Variants in DEAF1 observed in about 807,000 individuals in gnomAD.
The protein encoded by DEAF1 is deformed epidermal autoregulatory factor 1 homolog.
In DEAF1, 53 loss-of-function variants were observed where a neutral mutation model predicts 58.9. The observed-to-expected ratio is 0.90, with a 90% CI of 0.72 to 1.13. DEAF1 has a LOEUF of 1.13. Ranked by LOEUF, DEAF1 falls within the 50% of genes most tolerant of loss-of-function variation. The probability of loss-of-function intolerance (pLI) is 0.00; values close to 1 mark genes in which losing one functional copy is unlikely to be tolerated. For missense variants in DEAF1, 685 were observed against 791.4 expected, an observed-to-expected ratio of 0.87 and a Z score of 1.61; for synonymous variants, 385 against 340.4, an observed-to-expected ratio of 1.13 and a Z score of -1.44.
At chr11:648,665 G>A (rs1227521870) in intron 11 of DEAF1, among the ~76,000 whole-genome samples, 1 of 152,168 alleles carries the variant, frequency 6.6e-6, no homozygotes, top group Non-Finnish European at 1.5e-5. Flanking sequence ...TGCCAGGAAT[G>A]TATACACTCA....
chr11:689,351 G>A (rs575986939), intron 2 of DEAF1, among the ~76,000 whole-genome samples: 13 of 150,792 alleles, frequency 8.6e-5, no homozygotes, highest in Admixed American at 2.0e-4. Context: ...GACTACACAC[G>A]CCCACCACCA....
At chr11:667,027 C>T (rs1038081373) in intron 10 of DEAF1, among the ~76,000 whole-genome samples, 3 of 151,834 alleles carry the variant, frequency 2.0e-5, no homozygotes, top group African/African-American at 7.3e-5. Flanking sequence ...AGTGAAACCC[C>T]ATCTATACAA....
At chr11:703,365 G>A in intron 1 of DEAF1, 1 of 1,395,128 alleles carries the variant, frequency 7.2e-7, no homozygotes, top group Non-Finnish European at 9.3e-7. Flanking sequence ...CAGCTGCGGG[G>A]AGGGTAGGGA....
intron 2 of DEAF1, among the ~76,000 whole-genome samples, chr11:690,342 AGGGGAGGG>A (rs1860782540): frequency 4.4e-4 from 1 of 2,294 alleles, no homozygotes; most frequent in Non-Finnish European, 8.3e-4. Context: ...AGGGGAGGGC[AGGGGAGGG>A]GAGGGCAGGG....
intron 1 of DEAF1, chr11:700,547 G>T: frequency 6.6e-6 from 8 of 1,213,254 alleles, no homozygotes; most frequent in Non-Finnish European, 9.6e-6. Context: ...AAAAGGAAAA[G>T]GCAAGCTGAG....
chr11:684,772 A>G, intron 6 of DEAF1, 126 bp downstream of exon 6: 1 of 810,226 alleles, frequency 1.2e-6, no homozygotes, highest in Non-Finnish European at 2.1e-6. Context: ...AGGAGAAGTG[A>G]GGACAGTGTC....
intron 10 of DEAF1, among the ~76,000 whole-genome samples, chr11:659,833 G>A (rs570729212): frequency 6.6e-6 from 1 of 152,326 alleles, no homozygotes; most frequent in East Asian, 1.9e-4. Context: ...GAGTGAGCAG[G>A]AAGCCAGCGG....
intron 10 of DEAF1, among the ~76,000 whole-genome samples, chr11:671,947 T>G (rs1316173112): frequency 6.6e-5 from 10 of 152,104 alleles, no homozygotes; most frequent in Non-Finnish European, 1.5e-4. Flanking sequence ...AGACATGCCT[T>G]TCCTCCCGCT....
chr11:697,148 G>A (rs922348157), upstream of DEAF1, among the ~76,000 whole-genome samples: 1 of 151,786 alleles, frequency 6.6e-6, no homozygotes, highest in African/African-American at 2.4e-5. Flanking sequence ...CAGCTACGTG[G>A]GAGGCTGAGG....
chr11:700,753 T>G (rs1287550483), intron 1 of DEAF1: 1 of 1,517,766 alleles, frequency 6.6e-7, no homozygotes, highest in Non-Finnish European at 9.2e-7. Flanking sequence ...TAAGAGTTGC[T>G]ATCTGTTTCC....
chr11:694,530 G>C lies in DEAF1; in HGVS notation c.289+229C>G, dbSNP rs553761325. On this transcript the variant is annotated intron_variant, in intron 1 of 11. Transcript: ENST00000382409. ...GGGCAGGTGTGAGAGGCAGATGTGA[G>C]GGGTGAGCTAGTCACGTGGGGCAGG... 156 of 361,212 alleles carry C rather than the reference G, an allele frequency of 4.3e-4. 2 individuals carry two copies. In the East Asian group the frequency reaches 6.3e-3, roughly 14 times the overall value. The allele number at this position is 361,212 out of a possible 1,614,324, so 22.4% of individuals were successfully genotyped here. A position where few individuals can be genotyped will look rare whatever the true frequency, so the allele number is the denominator to read the frequency against.
upstream of DEAF1, chr11:699,012 G>T: frequency 8.4e-7 from 1 of 1,184,444 alleles, no homozygotes. Flanking sequence ...TTGGAGAGGG[G>T]GGTGTTCCTT....
intron 10 of DEAF1, among the ~76,000 whole-genome samples, chr11:659,557 C>G (rs1859218800): frequency 6.6e-6 from 1 of 152,222 alleles, no homozygotes; most frequent in African/African-American, 2.4e-5. Flanking sequence ...ATGGAGCCAA[C>G]TCCGTGTCAC....
chr11:659,553 C>T (rs1006512399), intron 10 of DEAF1, among the ~76,000 whole-genome samples: 1 of 152,194 alleles, frequency 6.6e-6, no homozygotes, highest in Non-Finnish European at 1.5e-5. Context: ...CTCGATGGAG[C>T]CAACTCCGTG....
intron 1 of DEAF1, chr11:703,918 C>A: frequency 8.1e-7 from 1 of 1,241,662 alleles, no homozygotes; most frequent in South Asian, 4.0e-5. Flanking sequence ...GCCTTTTGCA[C>A]GGAGTGCTAA....
At chr11:690,462 A>C (rs10902192) in intron 2 of DEAF1, among the ~76,000 whole-genome samples, 103,781 of 150,772 alleles carry the variant, frequency 0.69, 35,880 homozygotes, top group East Asian at 0.93. Flanking sequence ...CTGTGCTTTC[A>C]GGCCGGGTGT....
At chr11:652,977 G>A (rs1395915674) in intron 11 of DEAF1, among the ~76,000 whole-genome samples, 4 of 150,380 alleles carry the variant, frequency 2.7e-5, no homozygotes, top group African/African-American at 4.9e-5. Flanking sequence ...CCAGCTACTC[G>A]GGAGGCTGAG....
intron 10 of DEAF1, among the ~76,000 whole-genome samples, chr11:668,349 A>G (rs1000154627): frequency 1.3e-5 from 2 of 152,238 alleles, no homozygotes; most frequent in Non-Finnish European, 2.9e-5. Flanking sequence ...CAATGACTGA[A>G]TAAAACTCTT....
chr11:680,288 T>G (rs1157682938), intron 7 of DEAF1, among the ~76,000 whole-genome samples: 3 of 152,186 alleles, frequency 2.0e-5, no homozygotes, highest in Non-Finnish European at 4.4e-5. Flanking sequence ...GTGGGACTCT[T>G]CCTGCACCCA....
Sources: gnomAD v4.1 joint callset for allele counts (sites outside exome capture counted in the v4.1 genomes callset) on GRCh38, gnomAD v4.1.1 for gene constraint, MANE v1.5 for transcripts, NCBI Gene and HGNC (gene_info 2026-07-23, HGNC 2026-07-21) for gene names.